Variants in TAOK3 observed in about 807,000 individuals in gnomAD.
TAOK3 encodes the protein TAO kinase 3.
Under a neutral mutation model 120.4 loss-of-function variants are expected in TAOK3, and 40 were observed. The observed-to-expected ratio is 0.33, with a 90% CI of 0.26 to 0.43. The LOEUF is 0.43. Among genes scored for constraint, TAOK3 ranks in the 20% least tolerant of loss-of-function variants. The probability of loss-of-function intolerance (pLI) is 1.00; values close to 1 mark genes in which losing one functional copy is unlikely to be tolerated. For missense variants in TAOK3, 821 were observed against 1,112.1 expected, an observed-to-expected ratio of 0.74 and a Z score of 3.72; for synonymous variants, 355 against 387.5, an observed-to-expected ratio of 0.92 and a Z score of 0.99.
chr12:118,361,026 A>T (rs952758902), intron 1 of TAOK3, among the ~76,000 whole-genome samples: 3 of 152,242 alleles, frequency 2.0e-5, no homozygotes, highest in Admixed American at 6.5e-5. Context: ...AACACATTTC[A>T]AACCCAATTA....
rs558854868 is a variant in TAOK3, at chr12:118,196,450, T to C, written c.1194+2601A>G. On this transcript the variant is annotated intron_variant, in intron 13 of 20. Coordinates refer to ENST00000392533, the MANE Select transcript of TAOK3 (RefSeq NM_016281.4). ...AAATTAATTTGACTAATTTAAGATA[T>C]GTCTGCTTGTGAGCCGAGATTGCAC... Among the ~76,000 whole-genome samples, 13 of 151,860 alleles carry C rather than the reference T, an allele frequency of 8.6e-5. No individual in the cohort carries two copies. In the South Asian group the frequency reaches 2.5e-3, roughly 29 times the overall value.
At chr12:118,358,840 A>T (rs1566172224) in intron 1 of TAOK3, 2 of 152,054 alleles carry the variant, frequency 1.3e-5, no homozygotes, top group African/African-American at 4.8e-5. Context: ...GAGTTTACTC[A>T]TTTTTTTTAA....
chr12:118,335,043 G>T (rs896978351), intron 1 of TAOK3, among the ~76,000 whole-genome samples: 2 of 152,018 alleles, frequency 1.3e-5, no homozygotes, highest in African/African-American at 4.8e-5. Context: ...AGCCAGGCAT[G>T]GTGTGGTGGT....
intron 12 of TAOK3, 114 bp downstream of exon 12, chr12:118,201,182 A>T (rs1475880409): frequency 1.0e-6 from 1 of 987,906 alleles, no homozygotes; most frequent in Non-Finnish European, 1.5e-6. Flanking sequence ...ATGTTTCTTA[A>T]GGCGGACAGC....
At chr12:118,362,436 T>C (rs1411954603) in intron 1 of TAOK3, among the ~76,000 whole-genome samples, 1 of 151,926 alleles carries the variant, frequency 6.6e-6, no homozygotes, top group African/African-American at 2.4e-5. Flanking sequence ...GCATGCAGCC[T>C]GCGGGCTATG....
intron 1 of TAOK3, among the ~76,000 whole-genome samples, chr12:118,281,323 G>A (rs1029538188): frequency 7.9e-5 from 12 of 152,126 alleles, no homozygotes; most frequent in South Asian, 4.1e-4. Flanking sequence ...TTGTGGGTTC[G>A]TCATAGATGG....
At chr12:118,346,722 T>C (rs1283241129) in intron 1 of TAOK3, among the ~76,000 whole-genome samples, 2 of 152,220 alleles carry the variant, frequency 1.3e-5, no homozygotes, top group African/African-American at 4.8e-5. Flanking sequence ...TAGGCAAAGA[T>C]ATGTTCAATG....
At chr12:118,341,562 T>C (rs1477988582) in intron 1 of TAOK3, among the ~76,000 whole-genome samples, 3 of 152,218 alleles carry the variant, frequency 2.0e-5, no homozygotes, top group Non-Finnish European at 4.4e-5. Context: ...AGGGCAACGT[T>C]GACTATGTGT....
intron 17 of TAOK3, among the ~76,000 whole-genome samples, chr12:118,168,975 T>G (rs2035792264): frequency 1.4e-5 from 2 of 141,480 alleles, no homozygotes; most frequent in Non-Finnish European, 3.1e-5. Context: ...CTTCCTTCCT[T>G]CCTTCCTTCC....
chr12:118,309,146 T>G (rs1451161919), intron 1 of TAOK3, among the ~76,000 whole-genome samples: 1 of 151,652 alleles, frequency 6.6e-6, no homozygotes, highest in Non-Finnish European at 1.5e-5. Flanking sequence ...CTGGCCAACG[T>G]GGCGAAACCC....
At chr12:118,296,921 A>G (rs957905659) in intron 1 of TAOK3, 2 of 152,222 alleles carry the variant, frequency 1.3e-5, no homozygotes, top group South Asian at 4.1e-4. Context: ...ATAGTGTTTT[A>G]GAAAATAGAC....
At chr12:118,348,108 C>T (rs979407736) in intron 1 of TAOK3, among the ~76,000 whole-genome samples, 5 of 152,220 alleles carry the variant, frequency 3.3e-5, no homozygotes, top group Admixed American at 6.5e-5. Context: ...ATGTCCACCA[C>T]GCCTGCTGAA....
intron 13 of TAOK3, among the ~76,000 whole-genome samples, chr12:118,194,160 G>A (rs776288760): frequency 2.0e-5 from 3 of 152,156 alleles, no homozygotes; most frequent in Non-Finnish European, 4.4e-5. Flanking sequence ...GCGGGGGGAT[G>A]TATCTAAAAA....
At chr12:118,316,815 CA>C (rs1472488189) in intron 1 of TAOK3, among the ~76,000 whole-genome samples, 1 of 151,964 alleles carries the variant, frequency 6.6e-6, no homozygotes, top group Non-Finnish European at 1.5e-5. Context: ...ATAAAAATAA[CA>C]AAATCAGTTG....
intron 13 of TAOK3, among the ~76,000 whole-genome samples, chr12:118,196,635 T>C (rs889080683): frequency 6.6e-6 from 1 of 152,248 alleles, no homozygotes; most frequent in African/African-American, 2.4e-5. Context: ...TCTTATTGTG[T>C]TGGGTACTCA....
intron 11 of TAOK3, among the ~76,000 whole-genome samples, chr12:118,212,710 A>G (rs1321791323): frequency 6.6e-6 from 1 of 152,198 alleles, no homozygotes; most frequent in Non-Finnish European, 1.5e-5. Flanking sequence ...AAGATAGGGA[A>G]AAACCTATCC....
Position 118,172,548 on chromosome 12 carries a change from T to C in TAOK3, c.1808A>G (p.Gln603Arg), listed in dbSNP as rs932391986. The C allele has an allele frequency of 4.3e-6, 7 of 1,614,088 alleles. No homozygotes were observed. Among genetic ancestry groups the C allele is most frequent in the South Asian group, 1.1e-5 (1 of 91,094 alleles). The change falls in exon 17 of 21, where the codon CAA (glutamine) becomes CGA (arginine). Residue 603 changes from glutamine to arginine, a missense_variant. Transcript: ENST00000392533. ...ATTTTTGTCGTAGTACAGTCTCTGT[T>C]GAGTGAGAAGGTGGGCTTCCTCTTC... ...QAEEEAHLLT[Q>R]QRLYYDKNCR...
intron 19 of TAOK3, among the ~76,000 whole-genome samples, chr12:118,157,808 T>C (rs1189336418): frequency 1.3e-5 from 2 of 152,226 alleles, no homozygotes; most frequent in African/African-American, 4.8e-5. Flanking sequence ...AATAGATGAA[T>C]GCACTAGCTC....
At chr12:118,157,682 C>A (rs536847615) in intron 19 of TAOK3, among the ~76,000 whole-genome samples, 2 of 152,326 alleles carry the variant, frequency 1.3e-5, no homozygotes, top group African/African-American at 4.8e-5. Context: ...TGTCTGTTTC[C>A]TCCATGCTTC....
Sources: gnomAD v4.1 joint callset for allele counts (sites outside exome capture counted in the v4.1 genomes callset) on GRCh38, gnomAD v4.1.1 for gene constraint, MANE v1.5 for transcripts, NCBI Gene and HGNC (gene_info 2026-07-23, HGNC 2026-07-21) for gene names.